The following CHIC1 variants were observed in gnomAD, a reference collection of about 807,000 sequenced individuals.
The protein encoded by CHIC1 is cysteine rich hydrophobic domain 1.
CHIC1 carries 7 observed loss-of-function variants against 18.5 expected under a neutral mutation model. That is an observed-to-expected ratio of 0.38 (90% CI 0.22 to 0.71). CHIC1 has a LOEUF of 0.71. CHIC1 is among the 30% of genes least tolerant of loss of function. The pLI is 0.49. For missense variants in CHIC1, 159 were observed against 176.9 expected (o/e 0.90, Z 0.57); for synonymous variants, 77 against 73.5 (o/e 1.05, Z -0.25).
chrX:73,642,577 G>C (rs1603347190), intron 3 of CHIC1, among the ~76,000 whole-genome samples: 1 of 105,374 alleles, frequency 9.5e-6, no homozygotes, highest in South Asian at 4.4e-4. Context: ...TGGTGTTTTA[G>C]ACATGAAGTC....
At chrX:73,588,818 G>A (rs1336550288) in intron 3 of CHIC1, among the ~76,000 whole-genome samples, 4 of 109,599 alleles carry the variant, frequency 3.6e-5, no homozygotes, top group African/African-American at 9.9e-5. Flanking sequence ...TGTTCATTTC[G>A]TCTAGGTTGT....
At chrX:73,637,727 T>A (rs2057837622) in intron 3 of CHIC1, among the ~76,000 whole-genome samples, 1 of 111,626 alleles carries the variant, frequency 9.0e-6, no homozygotes, top group African/African-American at 3.2e-5. Context: ...ATTCTATCTC[T>A]TTTTTTAAAT....
chrX:73,598,740 AT>A (rs1266224086), intron 3 of CHIC1, among the ~76,000 whole-genome samples: 2 of 110,607 alleles, frequency 1.8e-5, no homozygotes, highest in Non-Finnish European at 3.8e-5. Context: ...ATTGTTGGGC[AT>A]TTGGGTTGGT....
chrX:73,631,097 C>T (rs2057804723), intron 3 of CHIC1, among the ~76,000 whole-genome samples: 1 of 111,084 alleles, frequency 9.0e-6, no homozygotes. Flanking sequence ...TGTAATGGCT[C>T]TTCTTTCATT....
chrX:73,679,457 G>A, intron 4 of CHIC1, 75 bp downstream of exon 4: 1 of 707,367 alleles, frequency 1.4e-6, no homozygotes, highest in East Asian at 3.4e-5. Context: ...TACAAAATGG[G>A]AATTTTTAGG....
At chrX:73,641,979 A>G (rs1363162494) in intron 3 of CHIC1, among the ~76,000 whole-genome samples, 1 of 111,634 alleles carries the variant, frequency 9.0e-6, no homozygotes, top group Non-Finnish European at 1.9e-5. Flanking sequence ...CAATAAACAT[A>G]CGTGTGCATG....
chrX:73,633,695 A>G (rs1181371569), intron 3 of CHIC1, among the ~76,000 whole-genome samples: 1 of 110,805 alleles, frequency 9.0e-6, no homozygotes, highest in Non-Finnish European at 1.9e-5. Context: ...CTTTTGTCCA[A>G]TAAGTCTCGT....
intron 3 of CHIC1, among the ~76,000 whole-genome samples, chrX:73,588,413 G>A (rs942579818): frequency 9.0e-6 from 1 of 110,751 alleles, no homozygotes; most frequent in Non-Finnish European, 1.9e-5. Context: ...AAAAATACAC[G>A]ACATAAAATT....
intron 1 of CHIC1, among the ~76,000 whole-genome samples, chrX:73,570,688 A>G (rs1023346727): frequency 9.0e-6 from 1 of 111,537 alleles, no homozygotes; most frequent in Non-Finnish European, 1.9e-5. Context: ...ATATATTACT[A>G]GAGCTATAGA....
intron 3 of CHIC1, among the ~76,000 whole-genome samples, chrX:73,586,765 T>C (rs2057554977): frequency 8.9e-6 from 1 of 112,109 alleles, no homozygotes; most frequent in South Asian, 3.6e-4. Context: ...GACTACATCA[T>C]GTTTCTTACA....
At position 73,679,813 on chromosome X, in the gene CHIC1, G is replaced by A. The variant is rs186805548; in HGVS notation, c.624+100G>A. Reference sequence around the variant, plus strand: ...AACTATTCCTTCTTTTTTCTCCTCAGCCAGAACTTTTGTCCATTGAAATAT... The same window carrying A: ...AACTATTCCTTCTTTTTTCTCCTCAACCAGAACTTTTGTCCATTGAAATAT... On this transcript the variant is annotated intron_variant, in intron 5 of 5. Coordinates refer to ENST00000373502, the MANE Select transcript of CHIC1 (RefSeq NM_001039840.4). 1.2e-5 allele frequency: 5 copies of A among 426,845 alleles called. No individual in the cohort carries two copies. The East Asian group carries it at 2.3e-4, about 20-fold the overall frequency. The allele number at this position is 426,845 out of a possible 1,213,427, so 35.2% of individuals were successfully genotyped here. A position where few individuals can be genotyped will look rare whatever the true frequency, so the allele number is the denominator to read the frequency against.
At chrX:73,639,043 G>C (rs1442306343) in intron 3 of CHIC1, among the ~76,000 whole-genome samples, 1 of 111,780 alleles carries the variant, frequency 8.9e-6, no homozygotes, top group East Asian at 2.8e-4. Context: ...TATATACCCA[G>C]TCATGGGATT....
intron 3 of CHIC1, among the ~76,000 whole-genome samples, chrX:73,673,960 G>T (rs142502985): frequency 2.7e-5 from 3 of 111,592 alleles, no homozygotes; most frequent in Admixed American, 9.5e-5. Context: ...TAGCATGAAG[G>T]GTTGTTGAAT....
chrX:73,654,864 A>G (rs2057934385), intron 3 of CHIC1, among the ~76,000 whole-genome samples: 1 of 111,480 alleles, frequency 9.0e-6, no homozygotes, highest in Non-Finnish European at 1.9e-5. Context: ...ATCCCTTATA[A>G]TGTCTCCTTT....
At chrX:73,610,943 G>GT (rs1218849631) in intron 3 of CHIC1, among the ~76,000 whole-genome samples, 1,071 of 97,294 alleles carry the variant, frequency 0.011, 104 homozygotes, top group African/African-American at 0.04. Flanking sequence ...TTCTGATTTT[G>GT]TTTTTTTTTT....
chrX:73,655,057 C>T (rs2057935154), intron 3 of CHIC1, among the ~76,000 whole-genome samples: 1 of 110,184 alleles, frequency 9.1e-6, no homozygotes, highest in Non-Finnish European at 1.9e-5. Flanking sequence ...TCTTCATTCT[C>T]ACCTCCCACC....
intron 2 of CHIC1, among the ~76,000 whole-genome samples, chrX:73,583,418 C>G (rs143837946): frequency 2.7e-3 from 304 of 110,790 alleles, no homozygotes; most frequent in African/African-American, 9.2e-3. Context: ...TAGTAAAGCT[C>G]TATATTTTTG....
At chrX:73,606,131 G>A (rs2057682510) in intron 3 of CHIC1, among the ~76,000 whole-genome samples, 2 of 107,244 alleles carry the variant, frequency 1.9e-5, no homozygotes, top group Non-Finnish European at 3.8e-5. Flanking sequence ...ATCAAATGTA[G>A]GTTTGCTCTT....
intron 3 of CHIC1, among the ~76,000 whole-genome samples, chrX:73,587,910 C>T (rs980517156): frequency 1.8e-5 from 2 of 110,820 alleles, no homozygotes; most frequent in African/African-American, 6.5e-5. Context: ...GTCATTTGAG[C>T]CATATATAAG....
Sources: allele counts gnomAD v4.1 joint callset (sites outside exome capture counted in the v4.1 genomes callset), GRCh38; gene constraint gnomAD v4.1.1; transcripts MANE v1.5; gene names NCBI Gene and HGNC (gene_info 2026-07-23, HGNC 2026-07-21).